The following PARPBP variants were observed in gnomAD, a reference collection of about 807,000 sequenced individuals.
PARPBP encodes the protein PARP1 binding protein, also known as PCNA-interacting partner.
A neutral mutation model predicts 50.0 loss-of-function variants in PARPBP; 52 were observed. The observed-to-expected ratio is 1.04, with a 90% CI of 0.83 to 1.31. PARPBP has a LOEUF of 1.31. Ranked by LOEUF, PARPBP falls within the 50% of genes most tolerant of loss-of-function variation. PARPBP has a pLI of 0.00. For missense variants in PARPBP, 697 were observed against 672.0 expected (o/e 1.04, Z -0.41); for synonymous variants, 244 against 232.1 (o/e 1.05, Z -0.47).
chr12:102,196,562 A>T lies in PARPBP; in HGVS notation c.*271A>T, dbSNP rs369887074. On this transcript the variant is annotated 3_prime_UTR_variant, in exon 11 of 11. Coordinates refer to ENST00000327680, the MANE Select transcript of PARPBP (RefSeq NM_017915.5). ...CTTTTAAAACAGACATTTAACATAC[A>T]CAAGTTATAGTAGCAGTATGGGCTT... The T allele has an allele frequency of 1.1e-3, 1,051 of 927,424 alleles. 20 individuals carry two copies. The South Asian group carries it at 0.014, about 12-fold the overall frequency. 57.4% of individuals were successfully genotyped at this position (927,424 alleles called of 1,614,324 possible).
At chr12:102,170,148 A>C (rs1888545441) in intron 6 of PARPBP, among the ~76,000 whole-genome samples, 1 of 152,214 alleles carries the variant, frequency 6.6e-6, no homozygotes, top group East Asian at 1.9e-4. Flanking sequence ...TTCACCTGAA[A>C]GATGTCTTAA....
chr12:102,121,661 C>T lies in PARPBP; in HGVS notation c.-4+1375C>T, dbSNP rs187634353. ...TTCCGCCTCCCTGGTTCAAGCGATT[C>T]TCCTGTCTCAGCCTCCCAAGTAGCT... On this transcript the variant is annotated intron_variant, in intron 1 of 10. Transcript: ENST00000327680. Among the ~76,000 whole-genome samples, 291 of 147,660 alleles carry T rather than the reference C, an allele frequency of 2.0e-3. 1 individual carries two copies. The highest frequency in any genetic ancestry group is 0.015 in the Middle Eastern group (4 of 270).
intron 1 of PARPBP, among the ~76,000 whole-genome samples, chr12:102,121,083 C>T (rs569400400): frequency 3.9e-5 from 6 of 152,252 alleles, no homozygotes; most frequent in Admixed American, 3.9e-4. Context: ...TCATTGACTT[C>T]TCACAAGGGA....
At chr12:102,165,508 C>T (rs544356399) in intron 5 of PARPBP, among the ~76,000 whole-genome samples, 3 of 152,312 alleles carry the variant, frequency 2.0e-5, no homozygotes, top group Non-Finnish European at 4.4e-5. Flanking sequence ...CAGCCTCAAT[C>T]TGCAGCTGGG....
At chr12:102,135,388 C>T (rs1455875155) in intron 2 of PARPBP, among the ~76,000 whole-genome samples, 1 of 151,930 alleles carries the variant, frequency 6.6e-6, no homozygotes, top group Middle Eastern at 3.4e-3. Context: ...ACTAAAAATA[C>T]AAGAGAATTA....
chr12:102,190,868 A>T (rs1890732083), intron 9 of PARPBP, among the ~76,000 whole-genome samples: 1 of 152,136 alleles, frequency 6.6e-6, no homozygotes, highest in African/African-American at 2.4e-5. Context: ...GTGGGGCCTA[A>T]GGAAAGTGGG....
chr12:102,130,518 A>G (rs1045817500), intron 2 of PARPBP, among the ~76,000 whole-genome samples: 4 of 152,190 alleles, frequency 2.6e-5, no homozygotes, highest in Admixed American at 6.5e-5. Flanking sequence ...TCTAGTATCT[A>G]TAAAGAACTT....
chr12:102,158,169 T>C (rs968166798), intron 4 of PARPBP, among the ~76,000 whole-genome samples: 10 of 151,110 alleles, frequency 6.6e-5, no homozygotes, highest in African/African-American at 2.2e-4. Flanking sequence ...AATTCTGTTA[T>C]GTCTTTACAT....
intron 6 of PARPBP, among the ~76,000 whole-genome samples, chr12:102,170,129 T>C (rs904491520): frequency 1.3e-5 from 2 of 152,232 alleles, no homozygotes; most frequent in Non-Finnish European, 2.9e-5. Flanking sequence ...ATAAAATGCA[T>C]AGTGTACTTT....
At chr12:102,139,092 T>C (rs1304692051) in intron 2 of PARPBP, among the ~76,000 whole-genome samples, 1 of 152,258 alleles carries the variant, frequency 6.6e-6, no homozygotes, top group Non-Finnish European at 1.5e-5. Flanking sequence ...ATGGCCATTT[T>C]CACCATATTG....
At chr12:102,160,979 A>G (rs1473233835) in intron 4 of PARPBP, among the ~76,000 whole-genome samples, 2 of 151,782 alleles carry the variant, frequency 1.3e-5, no homozygotes, top group Non-Finnish European at 2.9e-5. Context: ...TAATCAGAAA[A>G]CTATATTATA....
intron 3 of PARPBP, chr12:102,151,447 C>T (rs1176371193): frequency 7.5e-6 from 5 of 667,988 alleles, no homozygotes; most frequent in Non-Finnish European, 1.3e-5. Flanking sequence ...AGCACCTCTG[C>T]AGAAATGGTC....
chr12:102,189,584 A>G (rs1890612489), intron 9 of PARPBP, among the ~76,000 whole-genome samples: 1 of 152,224 alleles, frequency 6.6e-6, no homozygotes, highest in Non-Finnish European at 1.5e-5. Context: ...GACCCATATT[A>G]AGTGGAGGAA....
chr12:102,154,058 A>G (rs1886567229), intron 4 of PARPBP, 82 bp downstream of exon 4: 1 of 809,752 alleles, frequency 1.2e-6, no homozygotes, highest in Non-Finnish European at 2.0e-6. Flanking sequence ...AAAGTTACTA[A>G]TGCTTTGTAA....
At chr12:102,162,455 C>G (rs1016461207) in intron 4 of PARPBP, among the ~76,000 whole-genome samples, 7 of 152,070 alleles carry the variant, frequency 4.6e-5, no homozygotes, top group Non-Finnish European at 8.8e-5. Context: ...GAATTAGAAA[C>G]AGGATTCTAG....
Position 102,197,501 on chromosome 12 carries a change from A to G in PARPBP, c.*1210A>G, listed in dbSNP as rs905206982. The G allele has an allele frequency of 1.3e-6, 2 of 1,578,640 alleles. No homozygotes were observed. Among genetic ancestry groups the G allele is most frequent in the Non-Finnish European group, 1.7e-6 (2 of 1,165,766 alleles). On this transcript the variant is annotated 3_prime_UTR_variant, in exon 11 of 11. Transcript: ENST00000327680. ...ATTTAAATTTTCATTGAAATAAACG[A>G]CAAGTCACATTGCCACTTACCTTTG...
chr12:102,150,960 C>T (rs1012348569), intron 3 of PARPBP, among the ~76,000 whole-genome samples: 2 of 152,154 alleles, frequency 1.3e-5, no homozygotes, highest in African/African-American at 4.8e-5. Flanking sequence ...TCCACTGCTG[C>T]TCTGTAAGTA....
rs764387238 is a variant in PARPBP at position 102,120,277 on chromosome 12, C to G, written c.-13C>G. On this transcript the variant is annotated 5_prime_UTR_variant, in exon 1 of 11. Transcript: ENST00000327680. ...CTGAAGAGTACGTCTTCGGGTCTAC[C>G]CCTAATCACGTAAGTCTCGCGTCTG... 1.2e-5 allele frequency: 4 copies of G among 336,210 alleles called. No individual in the cohort carries two copies. Among genetic ancestry groups the G allele is most frequent in the South Asian group, 4.2e-5 (2 of 47,198 alleles). The allele number at this position is 336,210 out of a possible 1,614,324, so 20.8% of individuals were successfully genotyped here.
chr12:102,127,439 AAG>A (rs1477296055), intron 2 of PARPBP, among the ~76,000 whole-genome samples: 1 of 152,120 alleles, frequency 6.6e-6, no homozygotes, highest in Admixed American at 6.5e-5. Context: ...TCATCAATGG[AAG>A]AGAGTGCCAT....
Sources: allele counts gnomAD v4.1 joint callset (sites outside exome capture counted in the v4.1 genomes callset), GRCh38; gene constraint gnomAD v4.1.1; transcripts MANE v1.5; gene names NCBI Gene and HGNC (gene_info 2026-07-23, HGNC 2026-07-21).